AGBL1: variants seen among roughly 807,000 people sequenced by gnomAD.
AGBL1 encodes the protein cytosolic carboxypeptidase 4.
Under a neutral mutation model 118.9 loss-of-function variants are expected in AGBL1, and 130 were observed. The observed-to-expected ratio is 1.09, with a 90% CI of 0.95 to 1.26. The LOEUF (loss-of-function observed/expected upper bound fraction) is 1.26, where lower values mean the gene tolerates loss of function less well. Ranked by LOEUF, AGBL1 falls within the 50% of genes most tolerant of loss-of-function variation. AGBL1 has a pLI of 0.00. For missense variants in AGBL1, 1,584 were observed against 1,298.1 expected (o/e 1.22, Z -3.38); for synonymous variants, 555 against 478.9 (o/e 1.16, Z -2.08).
intron 20 of AGBL1, among the ~76,000 whole-genome samples, chr15:86,547,274 A>T (rs1354671640): frequency 6.6e-6 from 1 of 152,208 alleles, no homozygotes; most frequent in Admixed American, 6.5e-5. Context: ...CAACCCATAT[A>T]AAATGATCTC....
At chr15:86,489,076 G>T (rs1478971145) in intron 18 of AGBL1, among the ~76,000 whole-genome samples, 1 of 152,028 alleles carries the variant, frequency 6.6e-6, no homozygotes, top group East Asian at 1.9e-4. Flanking sequence ...GGCTGCAGGA[G>T]CTAAGGGGAG....
intron 5 of AGBL1, among the ~76,000 whole-genome samples, chr15:86,210,720 C>G (rs1179005226): frequency 7.2e-5 from 11 of 152,154 alleles, no homozygotes; most frequent in Non-Finnish European, 1.3e-4. Flanking sequence ...TTCGTCTAAT[C>G]TTTTTTCAAG....
chr15:86,314,252 A>G (rs1433930027), intron 17 of AGBL1, among the ~76,000 whole-genome samples: 1 of 152,212 alleles, frequency 6.6e-6, no homozygotes, highest in Admixed American at 6.5e-5. Flanking sequence ...GCCAAACAAG[A>G]GGAGTTACCA....
intron 21 of AGBL1, among the ~76,000 whole-genome samples, chr15:86,646,089 A>T (rs2469182): frequency 0.89 from 135,461 of 152,194 alleles, 60,460 homozygotes; most frequent in East Asian, 1. Context: ...GTAGCAGAAT[A>T]TCTGAGTGTT....
chr15:86,220,550 C>T (rs539163804), intron 5 of AGBL1, among the ~76,000 whole-genome samples: 11 of 152,184 alleles, frequency 7.2e-5, no homozygotes, highest in East Asian at 1.9e-4. Context: ...AAAATCTTAA[C>T]GAGAGGATAT....
At chr15:86,096,594 A>G (rs1330199274) in intron 1 of AGBL1, among the ~76,000 whole-genome samples, 1 of 152,184 alleles carries the variant, frequency 6.6e-6, no homozygotes, top group Non-Finnish European at 1.5e-5. Flanking sequence ...TAATTTTTTC[A>G]GGTCATGCAT....
At chr15:86,531,912 C>G (rs532217703) in intron 19 of AGBL1, among the ~76,000 whole-genome samples, 10 of 149,940 alleles carry the variant, frequency 6.7e-5, no homozygotes, top group South Asian at 2.1e-4. Flanking sequence ...ATTCAACAAC[C>G]CTTCATGCTA....
chr15:86,931,566 TTGCTGCTGCTGCTGCTGCTGCTGC>T (rs59067780), intron 23 of AGBL1, among the ~76,000 whole-genome samples: 44 of 150,454 alleles, frequency 2.9e-4, no homozygotes, highest in East Asian at 1.4e-3. Flanking sequence ...AGTGGTGCTT[TTGCTGCTGCTGCTGCTGCTGCTGC>T]TGCTGCTGCT....
At chr15:86,404,963 G>A (rs1326225925) in intron 18 of AGBL1, among the ~76,000 whole-genome samples, 1 of 152,168 alleles carries the variant, frequency 6.6e-6, no homozygotes. Context: ...TTAAGGGAAA[G>A]AGGCAATGCT....
At chr15:86,895,172 T>C (rs1288705843) in intron 22 of AGBL1, among the ~76,000 whole-genome samples, 1 of 148,988 alleles carries the variant, frequency 6.7e-6, no homozygotes, top group Non-Finnish European at 1.5e-5. Context: ...TCTTTCTCTT[T>C]CCCCCCTCTT....
chr15:86,320,984 G>A (rs1333716506), intron 17 of AGBL1, among the ~76,000 whole-genome samples: 1 of 152,040 alleles, frequency 6.6e-6, no homozygotes, highest in Non-Finnish European at 1.5e-5. Context: ...TTTATACATT[G>A]CTTGATTAAA....
At chr15:86,952,938 C>A (rs907864453) in intron 23 of AGBL1, among the ~76,000 whole-genome samples, 1 of 152,014 alleles carries the variant, frequency 6.6e-6, no homozygotes, top group African/African-American at 2.4e-5. Flanking sequence ...GAGTTCTCTC[C>A]CCATTGTGTG....
chr15:86,400,360 A>G (rs8034259), intron 18 of AGBL1, among the ~76,000 whole-genome samples: 5,127 of 152,072 alleles, frequency 0.034, 294 homozygotes, highest in African/African-American at 0.12. Flanking sequence ...AATCTTGTGT[A>G]TATGGTATTT....
At chr15:86,130,133 T>G (rs2076800716) in intron 1 of AGBL1, among the ~76,000 whole-genome samples, 1 of 152,102 alleles carries the variant, frequency 6.6e-6, no homozygotes, top group Non-Finnish European at 1.5e-5. Flanking sequence ...TGTCTCACTC[T>G]ATACTGGAGC....
rs116899213 is a variant in AGBL1, at chr15:86,091,217, C to T, written c.51+11194C>T. Among the ~76,000 whole-genome samples, 154 of 152,210 alleles carry T rather than the reference C, an allele frequency of 1.0e-3. 3 individuals carry two copies. In the East Asian group the frequency reaches 0.02, roughly 20 times the overall value. On this transcript the variant is annotated intron_variant, in intron 1 of 22. Coordinates refer to ENST00000614907, the MANE Select transcript of AGBL1 (RefSeq NM_001386094.1). ...TTATTGTTCATATGTCTATTAAATGCCTCCCTGTGCCAGGGAGTGGAAAGT... is the reference window on the plus strand; with the variant it reads ...TTATTGTTCATATGTCTATTAAATGTCTCCCTGTGCCAGGGAGTGGAAAGT...
intron 18 of AGBL1, among the ~76,000 whole-genome samples, chr15:86,485,143 C>T (rs566067492): frequency 6.6e-5 from 10 of 152,226 alleles, no homozygotes; most frequent in Non-Finnish European, 1.0e-4. Flanking sequence ...GCTAAGCCGT[C>T]GCTACTTCAA....
At chr15:86,752,919 A>G (rs554900672) in intron 22 of AGBL1, among the ~76,000 whole-genome samples, 1 of 152,210 alleles carries the variant, frequency 6.6e-6, no homozygotes, top group East Asian at 1.9e-4. Context: ...GAATATTGCA[A>G]TTTTCACATA....
chr15:86,398,464 A>C (rs533760806), intron 18 of AGBL1, among the ~76,000 whole-genome samples: 54 of 152,246 alleles, frequency 3.5e-4, no homozygotes, highest in South Asian at 1.0e-3. Context: ...TTGAAGGAAA[A>C]AAAATTCAAA....
chr15:86,146,884 C>A (rs530524437), intron 3 of AGBL1, among the ~76,000 whole-genome samples: 1 of 152,104 alleles, frequency 6.6e-6, no homozygotes, highest in Non-Finnish European at 1.5e-5. Context: ...TATCAGTAAA[C>A]GAGGTTTAGG....
Sources: gnomAD v4.1 joint callset for allele counts (sites outside exome capture counted in the v4.1 genomes callset) on GRCh38, gnomAD v4.1.1 for gene constraint, MANE v1.5 for transcripts, NCBI Gene and HGNC (gene_info 2026-07-23, HGNC 2026-07-21) for gene names.